The following BRI3BP variants were observed in gnomAD, a reference collection of about 807,000 sequenced individuals.
BRI3BP encodes the protein BRI3-binding protein.
Under a neutral mutation model 15.8 loss-of-function variants are expected in BRI3BP, and 7 were observed. That is an observed-to-expected ratio of 0.44 (90% confidence interval 0.25 to 0.83). BRI3BP has a LOEUF of 0.83. BRI3BP is among the 40% of genes least tolerant of loss of function. BRI3BP has a pLI of 0.20. For synonymous variants in BRI3BP, 192 were observed against 163.5 expected (o/e 1.17, Z -1.33); for missense variants, 320 against 339.3 (o/e 0.94, Z 0.45).
intron 1 of BRI3BP, among the ~76,000 whole-genome samples, chr12:124,996,045 T>C (rs1955037917): frequency 6.6e-6 from 1 of 152,076 alleles, no homozygotes; most frequent in Non-Finnish European, 1.5e-5. Flanking sequence ...TCCCAAGTAG[T>C]TGGGATTACA....
At chr12:125,021,458 T>G (rs1955298315) in intron 2 of BRI3BP, among the ~76,000 whole-genome samples, 1 of 152,196 alleles carries the variant, frequency 6.6e-6, no homozygotes, top group African/African-American at 2.4e-5. Flanking sequence ...ATCCCAGCAC[T>G]TAGGGAAGCC....
chr12:125,025,686 C>CTTA lies in BRI3BP; in HGVS notation c.*256_*257insTTA. 2 of 426,628 alleles carry CTTA rather than the reference C, an allele frequency of 4.7e-6. No individual in the cohort carries two copies. Among genetic ancestry groups the CTTA allele is most frequent in the Non-Finnish European group, 8.3e-6 (2 of 239,814 alleles). The allele number at this position is 426,628 out of a possible 1,614,324, so 26.4% of individuals were successfully genotyped here. A position where few individuals can be genotyped will look rare whatever the true frequency, so the allele number is the denominator to read the frequency against. ...ATATTTTTTAAACAAAGGATATAAC[C>CTTA]ATATTTAGTTGTACAGTAAGAGAAA... On this transcript the variant is annotated 3_prime_UTR_variant, in exon 3 of 3. Coordinates refer to ENST00000341446, the MANE Select transcript of BRI3BP (RefSeq NM_080626.6).
downstream of BRI3BP, among the ~76,000 whole-genome samples, chr12:125,035,990 C>T (rs769520606): frequency 3.3e-5 from 5 of 151,928 alleles, no homozygotes; most frequent in Non-Finnish European, 7.4e-5. Context: ...AGTCAATAGT[C>T]CATGGTCAAA....
intron 2 of BRI3BP, among the ~76,000 whole-genome samples, chr12:125,014,211 G>A (rs1005409542): frequency 6.6e-6 from 1 of 152,106 alleles, no homozygotes; most frequent in African/African-American, 2.4e-5. Flanking sequence ...CTCTCCTTCT[G>A]TCCACAAGGT....
In BRI3BP at chr12:125,011,080, C is replaced by T. The variant is rs111748567; in HGVS notation, c.214-1454C>T. ...CTGCACTCCAGCCGGAGTGACAGAG[C>T]GAGACCCTGTCTTAAAAAAAAAAAA... is the stretch of plus-strand genomic sequence containing the variant. On this transcript the variant is annotated intron_variant, in intron 1 of 2. Coordinates refer to ENST00000341446, the MANE Select transcript of BRI3BP (RefSeq NM_080626.6). Among the ~76,000 whole-genome samples the T allele has an allele frequency of 1.7e-3, 223 of 129,590 alleles. 2 individuals carry two copies. The highest frequency in any genetic ancestry group is 6.2e-3 in the African/African-American group (210 of 33,722). The allele number at this position is 129,590 out of a possible 152,430, so 85.0% of individuals were successfully genotyped here.
At chr12:125,007,200 G>A (rs917356753) in intron 1 of BRI3BP, among the ~76,000 whole-genome samples, 1 of 150,894 alleles carries the variant, frequency 6.6e-6, no homozygotes, top group African/African-American at 2.4e-5. Flanking sequence ...CTCTGTCTCC[G>A]CCCCCCCCAA....
chr12:125,015,719 T>C lies in BRI3BP; in HGVS notation c.316+3083T>C, dbSNP rs964387737. 3.9e-5 allele frequency among the ~76,000 whole-genome samples: 6 copies of C among 152,202 alleles called. No individual in the cohort carries two copies. The East Asian group carries it at 1.2e-3, about 29-fold the overall frequency. ...CATTCAGAAATGTCTCCAGCCTTAA[T>C]TCATTGAGTTCAACCTTTAAGAGGC... On this transcript the variant is annotated intron_variant, in intron 2 of 2. Coordinates refer to ENST00000341446, the MANE Select transcript of BRI3BP (RefSeq NM_080626.6).
the BRI3BP span, among the ~76,000 whole-genome samples, chr12:125,040,394 G>C: frequency 2.6e-5 from 4 of 151,552 alleles, no homozygotes; most frequent in Non-Finnish European, 5.9e-5. Context: ...GCCCAGGCTG[G>C]AGTGCAATGG....
the BRI3BP span, among the ~76,000 whole-genome samples, chr12:125,036,864 C>T: frequency 1.1e-4 from 17 of 152,172 alleles, no homozygotes; most frequent in Non-Finnish European, 2.5e-4. Flanking sequence ...TGTGAAGACA[C>T]AACAAGAAGG....
downstream of BRI3BP, among the ~76,000 whole-genome samples, chr12:125,032,387 G>A (rs1307484765): frequency 6.6e-6 from 1 of 152,172 alleles, no homozygotes; most frequent in Non-Finnish European, 1.5e-5. Flanking sequence ...GAACCCAGGA[G>A]GTGGAAGTTG....
chr12:125,032,238 G>T (rs943856357), downstream of BRI3BP, among the ~76,000 whole-genome samples: 1 of 151,706 alleles, frequency 6.6e-6, no homozygotes, highest in African/African-American at 2.4e-5. Flanking sequence ...CGAGGCGGGC[G>T]GATCACGAGG....
chr12:125,016,110 G>T (rs1009476417), intron 2 of BRI3BP, among the ~76,000 whole-genome samples: 1 of 152,200 alleles, frequency 6.6e-6, no homozygotes, highest in Non-Finnish European at 1.5e-5. Context: ...CACGAGCCCT[G>T]AATGCCTGCA....
Position 125,009,283 on chromosome 12 carries a change from C to CTTTTTTTT in BRI3BP, c.214-3234_214-3227dup, listed in dbSNP as rs1217778458. The stretch of plus-strand genomic sequence containing the variant: ...GGTGTGGGCCACCGCACCCAGCCAT[C>CTTTTTTTT]TTTTTTTTTTTTTTTTTTTTTTTTG... On this transcript the variant is annotated intron_variant, in intron 1 of 2. Coordinates refer to ENST00000341446, the MANE Select transcript of BRI3BP (RefSeq NM_080626.6). Among the ~76,000 whole-genome samples, 52 of 66,584 alleles carry CTTTTTTTT rather than the reference C, an allele frequency of 7.8e-4. 1 individual carries two copies. Among genetic ancestry groups the CTTTTTTTT allele is most frequent in the Admixed American group, 1.3e-3 (6 of 4,526 alleles). 43.7% of individuals were successfully genotyped at this position (66,584 alleles called of 152,430 possible). A position where few individuals can be genotyped will look rare whatever the true frequency, so the allele number is the denominator to read the frequency against.
intron 2 of BRI3BP, among the ~76,000 whole-genome samples, chr12:125,019,654 TTTTGCC>T (rs1211977419): frequency 0.18 from 6,835 of 38,434 alleles, 747 homozygotes; most frequent in South Asian, 0.35. Flanking sequence ...TTTTTTTTTT[TTTTGCC>T]TTTTTTGCTG....
At chr12:125,012,835 T>C (rs945262207) in intron 2 of BRI3BP, among the ~76,000 whole-genome samples, 199 bp downstream of exon 2, 1 of 152,260 alleles carries the variant, frequency 6.6e-6, no homozygotes, top group South Asian at 2.1e-4. Flanking sequence ...CCCAGCACTT[T>C]GGGAGACCAA....
At chr12:125,042,480 T>C in the BRI3BP span, among the ~76,000 whole-genome samples, 1 of 91,230 alleles carries the variant, frequency 1.1e-5, no homozygotes, top group Non-Finnish European at 2.2e-5. Context: ...GAATTTCATC[T>C]TTTTTTTTTT....
Position 125,025,103 on chromosome 12 carries a change from G to C in BRI3BP, c.429G>C (p.Leu143=), listed in dbSNP as rs904237760. ...LLAYWFLSLT[L]GFTFSVLHVV... is the part of the protein sequence containing the mutation. ...CCTACTGGTTCTTGTCCCTGACCCTGGGCTTCACTTTCAGCGTCCTGCACG... is the reference window on the plus strand; with the variant it reads ...CCTACTGGTTCTTGTCCCTGACCCTCGGCTTCACTTTCAGCGTCCTGCACG... The change falls in exon 3 of 3, where the codon CTG becomes CTC. Residue 143 remains leucine (L), a synonymous_variant. Transcript: ENST00000341446. 1.9e-6 allele frequency: 3 copies of C among 1,613,944 alleles called. No homozygotes were observed. The highest frequency in any genetic ancestry group is 2.2e-5 in the East Asian group (1 of 44,888).
At chr12:125,022,541 A>ATTTTTTTTTTTTTTTTTTTTTTT (rs770844998) in intron 2 of BRI3BP, among the ~76,000 whole-genome samples, 2 of 139,402 alleles carry the variant, frequency 1.4e-5, no homozygotes, top group South Asian at 2.2e-4. Context: ...TTATTTATTT[A>ATTTTTTTTTTTTTTTTTTTTTTT]TTTTTTGAGA....
In BRI3BP at chr12:125,025,145, C is replaced by T. The variant is rs1565907357; in HGVS notation, c.471C>T (p.Phe157=). The change falls in exon 3 of 3, where the codon TTC becomes TTT. Residue 157 remains phenylalanine (F), a synonymous_variant. Coordinates refer to ENST00000341446, the MANE Select transcript of BRI3BP (RefSeq NM_080626.6). ...TCCTGCACGTGGTGTTCGGCCGCTT[C>T]TTCTGGATCGTGCGGGTCGTCCTGT... ...FSVLHVVFGR[F]FWIVRVVLFS... 3 of 1,614,200 alleles carry T rather than the reference C, an allele frequency of 1.9e-6. No individual in the cohort carries two copies. The highest frequency in any genetic ancestry group is 2.2e-5 in the South Asian group (2 of 91,092).
Sources: gnomAD v4.1 joint callset for allele counts (sites outside exome capture counted in the v4.1 genomes callset) on GRCh38, gnomAD v4.1.1 for gene constraint, MANE v1.5 for transcripts, NCBI Gene and HGNC (gene_info 2026-07-23, HGNC 2026-07-21) for gene names.